Variants in DNASE2B observed in about 807,000 individuals in gnomAD.
DNASE2B encodes the protein deoxyribonuclease 2 beta.
In DNASE2B, 43 loss-of-function variants were observed where a neutral mutation model predicts 46.0. The observed-to-expected ratio is 0.94, with a 90% CI of 0.73 to 1.21. The LOEUF (loss-of-function observed/expected upper bound fraction) is 1.21. Ranked by LOEUF, DNASE2B falls within the 50% of genes most tolerant of loss-of-function variation. DNASE2B has a pLI of 0.00. For missense variants in DNASE2B, 395 were observed against 414.4 expected, an observed-to-expected ratio of 0.95 and a Z score of 0.41; for synonymous variants, 156 against 152.5, an observed-to-expected ratio of 1.02 and a Z score of -0.17.
intron 4 of DNASE2B, among the ~76,000 whole-genome samples, chr1:84,411,475 T>A (rs1422002108): frequency 1.0e-3 from 52 of 49,542 alleles, no homozygotes; most frequent in African/African-American, 3.6e-3. Context: ...TGTGTGTGTG[T>A]GTGTGTGTCA....
intron 3 of DNASE2B, among the ~76,000 whole-genome samples, chr1:84,410,207 T>C (rs1680564691): frequency 6.8e-6 from 1 of 148,142 alleles, no homozygotes; most frequent in South Asian, 2.1e-4. Flanking sequence ...ATAAAAATCT[T>C]TCTATTTTCT....
chr1:84,414,636 T>C lies in DNASE2B; in HGVS notation c.854T>C (p.Val285Ala). The change falls in exon 6 of 6, where the codon GTC (valine) becomes GCC (alanine). Residue 285 changes from valine to alanine, a missense_variant. By Grantham distance (64) the Val-to-Ala change is moderately conservative. Coordinates refer to ENST00000370665, the MANE Select transcript of DNASE2B (RefSeq NM_021233.3). ...LPSNCSLPYH[V>A]YNIKAIKLSR... Reference sequence around the variant, plus strand: ...TCAAACTGCTCCCTTCCTTACCATGTCTACAATATAAAAGCAATTAAATTA... The same window carrying C: ...TCAAACTGCTCCCTTCCTTACCATGCCTACAATATAAAAGCAATTAAATTA... 3 of 1,614,172 alleles carry C rather than the reference T, an allele frequency of 1.9e-6. No homozygotes were observed. The highest frequency in any genetic ancestry group is 2.5e-6 in the Non-Finnish European group (3 of 1,180,020).
At chr1:84,399,454 C>T (rs920989800) in intron 1 of DNASE2B, among the ~76,000 whole-genome samples, 2 of 152,078 alleles carry the variant, frequency 1.3e-5, no homozygotes, top group African/African-American at 4.8e-5. Flanking sequence ...TAAATATGAA[C>T]GAAACATGGT....
At chr1:84,409,323 A>G (rs1219057355) in intron 3 of DNASE2B, among the ~76,000 whole-genome samples, 1 of 152,176 alleles carries the variant, frequency 6.6e-6, no homozygotes. Context: ...AAATGCCTTC[A>G]AGGGAGCAGG....
In DNASE2B at chr1:84,408,461, T is replaced by G. The variant is rs764948915; in HGVS notation, c.328T>G (p.Tyr110Asp). Residue 110 changes from tyrosine to aspartate, a missense_variant, in exon 3 of 6, where the codon TAC becomes GAC. Coordinates refer to ENST00000370665, the MANE Select transcript of DNASE2B (RefSeq NM_021233.3). ...SKSNNTAYLI[Y>D]NDGVPKPVNY... ...GAGTAACAACACAGCCTATCTAATA[T>G]ACAATGATGGAGTCCCTAAACCTGT... 6.2e-7 allele frequency: 1 copy of G among 1,611,582 alleles called. No homozygotes were observed. The highest frequency in any genetic ancestry group is 1.1e-5 in the South Asian group (1 of 90,778).
At chr1:84,409,278 T>C (rs1330646207) in intron 3 of DNASE2B, among the ~76,000 whole-genome samples, 2 of 152,192 alleles carry the variant, frequency 1.3e-5, no homozygotes, top group Non-Finnish European at 2.9e-5. Flanking sequence ...TAAATAACTT[T>C]CCATGGCAAC....
intron 5 of DNASE2B, among the ~76,000 whole-genome samples, chr1:84,413,084 C>T (rs898971643): frequency 1.3e-5 from 2 of 151,610 alleles, no homozygotes; most frequent in Admixed American, 6.6e-5. Flanking sequence ...TTGATTTGTC[C>T]ACCTGATCTG....
rs1470377257 is a variant in DNASE2B at position 84,402,029 on chromosome 1, G to C, written c.254G>C (p.Ser85Thr). Residue 85 changes from serine (S) to threonine (T), a missense_variant, in exon 2 of 6, where the codon AGT becomes ACT. Ser to Thr is a moderately conservative substitution (Grantham distance 58). Coordinates refer to ENST00000370665, the MANE Select transcript of DNASE2B (RefSeq NM_021233.3). ...KSEQLMNDTK[S>T]VLGRTLQQLY... ...GAGCAACTAATGAATGACACCAAGA[G>C]TGTTTTGGGAAGGACATTACAACAG... is the stretch of plus-strand genomic sequence containing the variant. The C allele has an allele frequency of 6.2e-7, 1 of 1,610,596 alleles. No homozygotes were observed. The highest frequency in any genetic ancestry group is 8.5e-7 in the Non-Finnish European group (1 of 1,178,644).
Position 84,411,019 on chromosome 1 carries a change from G to GAA in DNASE2B, c.547+27_547+28dup. ...CAATAGGTAAAACTAAAGTATGTGA[G>GAA]AAAAAAAACGATAACTATGTTGAAG... On this transcript the variant is annotated intron_variant, in intron 4 of 5. Transcript: ENST00000370665. 1 of 1,527,702 alleles carries GAA rather than the reference G, an allele frequency of 6.5e-7. No individual in the cohort carries two copies. The highest frequency in any genetic ancestry group is 8.8e-7 in the Non-Finnish European group (1 of 1,137,976). 94.6% of individuals were successfully genotyped at this position (1,527,702 alleles called of 1,614,324 possible). A position where few individuals can be genotyped will look rare whatever the true frequency, so the allele number is the denominator to read the frequency against.
chr1:84,414,593 A>G lies in DNASE2B; in HGVS notation c.811A>G (p.Lys271Glu). Residue 271 changes from lysine to glutamate, a missense_variant, in exon 6 of 6, where the codon AAA becomes GAA. Lys to Glu is a moderately conservative substitution (Grantham distance 56). Transcript: ENST00000370665. Reference sequence around the variant, plus strand: ...CTTGTTAACAGAAACCTGGCAGCGAAAAAGACAAGAGCTTCCTTCAAACTG... The same window carrying G: ...CTTGTTAACAGAAACCTGGCAGCGAGAAAGACAAGAGCTTCCTTCAAACTG... ...THLLTETWQR[K>E]RQELPSNCSL... 1 of 1,614,174 alleles carries G rather than the reference A, an allele frequency of 6.2e-7. No individual in the cohort carries two copies. The highest frequency in any genetic ancestry group is 8.5e-7 in the Non-Finnish European group (1 of 1,180,024).
chr1:84,412,633 C>A, intron 5 of DNASE2B, 87 bp downstream of exon 5: 5 of 1,236,286 alleles, frequency 4.0e-6, no homozygotes, highest in East Asian at 2.6e-5. Flanking sequence ...TTTGAGTATT[C>A]AGAGAAAGAG....
chr1:84,404,233 T>C (rs901646967), intron 2 of DNASE2B, among the ~76,000 whole-genome samples: 1 of 152,172 alleles, frequency 6.6e-6, no homozygotes, highest in Non-Finnish European at 1.5e-5. Flanking sequence ...ATTTCTCTAG[T>C]GTGGTGTCTA....
intron 2 of DNASE2B, chr1:84,408,204 A>C: frequency 2.3e-6 from 1 of 428,794 alleles, no homozygotes; most frequent in Non-Finnish European, 3.6e-6. Context: ...CACAATGCAC[A>C]GGGCTCCTGT....
chr1:84,404,049 C>T (rs970333777), intron 2 of DNASE2B, among the ~76,000 whole-genome samples: 2 of 151,260 alleles, frequency 1.3e-5, no homozygotes, highest in African/African-American at 4.9e-5. Context: ...TCAAGCAATC[C>T]ACCCATATTG....
intron 4 of DNASE2B, 101 bp downstream of exon 4, chr1:84,411,100 A>G: frequency 1.5e-6 from 2 of 1,338,672 alleles, no homozygotes; most frequent in Admixed American, 4.3e-5. Context: ...ATCTATTCAT[A>G]GACCCTCTGA....
At chr1:84,413,487 A>G (rs909276466) in intron 5 of DNASE2B, among the ~76,000 whole-genome samples, 4 of 152,174 alleles carry the variant, frequency 2.6e-5, no homozygotes, top group African/African-American at 9.7e-5. Flanking sequence ...CACTGTTGAA[A>G]TTCTTTCCTT....
intron 1 of DNASE2B, among the ~76,000 whole-genome samples, chr1:84,401,348 C>A (rs1177832716): frequency 6.6e-6 from 1 of 152,128 alleles, no homozygotes; most frequent in South Asian, 2.1e-4. Flanking sequence ...GGCTGAGCTA[C>A]CTCTCCTCCC....
intron 2 of DNASE2B, among the ~76,000 whole-genome samples, chr1:84,407,724 A>AAAT (rs1680515020): frequency 6.6e-6 from 1 of 152,158 alleles, no homozygotes; most frequent in Non-Finnish European, 1.5e-5. Context: ...GATACTATCG[A>AAAT]AATAATAGCT....
chr1:84,410,732 A>T, intron 3 of DNASE2B, 106 bp from the exon 4 acceptor site: 1 of 1,066,182 alleles, frequency 9.4e-7, no homozygotes, highest in South Asian at 1.7e-5. Flanking sequence ...AGCCTAATAA[A>T]ACACTAGTCT....
Sources: allele counts gnomAD v4.1 joint callset (sites outside exome capture counted in the v4.1 genomes callset), GRCh38; gene constraint gnomAD v4.1.1; transcripts MANE v1.5; gene names NCBI Gene and HGNC (gene_info 2026-07-23, HGNC 2026-07-21).